C12orf50: variants seen among roughly 807,000 people sequenced by gnomAD.
C12orf50 encodes the protein uncharacterized protein C12orf50.
In C12orf50, 35 loss-of-function variants were observed where a neutral mutation model predicts 61.6. The observed-to-expected ratio is 0.57, with a 90% CI of 0.43 to 0.75. The LOEUF is 0.75. C12orf50 is among the 30% of genes least tolerant of loss of function. The pLI is 0.00. For missense variants in C12orf50, 475 were observed against 488.5 expected, an observed-to-expected ratio of 0.97 and a Z score of 0.26; for synonymous variants, 178 against 161.5, an observed-to-expected ratio of 1.10 and a Z score of -0.77.
At chr12:87,986,116 A>C in intron 10 of C12orf50, 63 bp from the exon 11 acceptor site, 1 of 1,517,636 alleles carries the variant, frequency 6.6e-7, no homozygotes, top group South Asian at 1.1e-5. Context: ...CATAAATAAC[A>C]TATTGCACTG....
chr12:88,015,681 C>T (rs1411182241), intron 3 of C12orf50, among the ~76,000 whole-genome samples: 5 of 152,232 alleles, frequency 3.3e-5, no homozygotes, highest in Admixed American at 2.6e-4. Context: ...GAACTGTACT[C>T]AGAAAATGTC....
chr12:87,982,299 G>T (rs1286314430), intron 12 of C12orf50, among the ~76,000 whole-genome samples: 1 of 152,094 alleles, frequency 6.6e-6, no homozygotes, highest in African/African-American at 2.4e-5. Context: ...CTGCAGCAGG[G>T]TTCTCTTGCA....
intron 3 of C12orf50, among the ~76,000 whole-genome samples, chr12:88,006,563 C>G (rs2031893011): frequency 6.6e-6 from 1 of 152,146 alleles, no homozygotes; most frequent in South Asian, 2.1e-4. Context: ...GTGTTTACAA[C>G]TTGTGCCTCC....
At chr12:87,996,779 T>G in intron 4 of C12orf50, 133 bp from the exon 5 acceptor site, 1 of 636,724 alleles carries the variant, frequency 1.6e-6, no homozygotes, top group South Asian at 2.1e-5. Flanking sequence ...AATCAATAAT[T>G]TTACATACTA....
chr12:87,997,020 T>C (rs982879107), intron 4 of C12orf50, among the ~76,000 whole-genome samples: 1 of 152,174 alleles, frequency 6.6e-6, no homozygotes, highest in African/African-American at 2.4e-5. Flanking sequence ...TGGTGTCCCG[T>C]AGTCCATAGA....
Position 88,026,981 on chromosome 12 carries a change from T to C in C12orf50, c.-19A>G, listed in dbSNP as rs1165037115. 4 of 1,613,922 alleles carry C rather than the reference T, an allele frequency of 2.5e-6. No homozygotes were observed. Among genetic ancestry groups the C allele is most frequent in the Admixed American group, 1.7e-5 (1 of 59,952 alleles). ...TTTCCATGTGTCTAAATCTGCAAAG[T>C]GGATCTAAACATTTCCTCTCTCTCC... On this transcript the variant is annotated 5_prime_UTR_variant, in exon 2 of 13. Transcript: ENST00000298699.
intron 6 of C12orf50, 150 bp downstream of exon 6, chr12:87,996,224 G>T: frequency 1.6e-6 from 1 of 629,696 alleles, no homozygotes; most frequent in Non-Finnish European, 2.8e-6. Context: ...TAGCAGCTTT[G>T]GGTCATCCAA....
At chr12:88,023,513 A>AG (rs1486351872) in intron 3 of C12orf50, among the ~76,000 whole-genome samples, 5 of 151,532 alleles carry the variant, frequency 3.3e-5, no homozygotes, top group African/African-American at 1.2e-4. Context: ...AAAAAAAAAA[A>AG]AAAATTTAGC....
rs139628674 is a variant in C12orf50 at position 87,989,276 on chromosome 12, A to G, written c.688T>C (p.Ser230Pro). Residue 230 changes from serine to proline, a missense_variant, in exon 8 of 13, where the codon TCA (serine) becomes CCA (proline). Physicochemically the swap from Ser to Pro is moderately conservative, Grantham distance 74. Transcript: ENST00000298699. ...TAATATTCATTACCTTTAGTATTTG[A>G]ACATTTTGATATGGTGATTTCTTTC... ...EEKEITISKC[S>P]NTKDNKDSPH... The G allele has an allele frequency of 4.2e-5, 67 of 1,603,120 alleles. No individual in the cohort carries two copies. Among genetic ancestry groups the G allele is most frequent in the Non-Finnish European group, 6.0e-6 (7 of 1,171,614 alleles).
intron 8 of C12orf50, 44 bp from the exon 9 acceptor site, chr12:87,988,010 T>A: frequency 7.7e-7 from 1 of 1,304,572 alleles, no homozygotes; most frequent in Non-Finnish European, 1.1e-6. Context: ...TATTAGTTTT[T>A]AAAAAAAGCA....
chr12:87,999,909 G>A (rs139765792), intron 3 of C12orf50, among the ~76,000 whole-genome samples: 2,799 of 151,882 alleles, frequency 0.018, 38 homozygotes, highest in Non-Finnish European at 0.027. Flanking sequence ...CATGCTAAGA[G>A]GAAAAAGTCA....
At chr12:87,995,609 G>T (rs370660242) in intron 6 of C12orf50, among the ~76,000 whole-genome samples, 1 of 152,254 alleles carries the variant, frequency 6.6e-6, no homozygotes, top group African/African-American at 2.4e-5. Context: ...TAAAGCAAAA[G>T]TACATATAAT....
At chr12:88,003,506 ATT>A (rs2031733424) in intron 3 of C12orf50, among the ~76,000 whole-genome samples, 1 of 151,894 alleles carries the variant, frequency 6.6e-6, no homozygotes, top group African/African-American at 2.4e-5. Context: ...CTGGCAACAA[ATT>A]CTCTCAGTTT....
At chr12:88,018,017 G>T (rs1458170517) in intron 3 of C12orf50, among the ~76,000 whole-genome samples, 1 of 152,188 alleles carries the variant, frequency 6.6e-6, no homozygotes, top group Admixed American at 6.5e-5. Context: ...TTTTCTGAGG[G>T]GAAATTCAAG....
At chr12:87,990,397 A>G (rs1373027708) in intron 7 of C12orf50, among the ~76,000 whole-genome samples, 1 of 152,208 alleles carries the variant, frequency 6.6e-6, no homozygotes, top group Non-Finnish European at 1.5e-5. Context: ...GATTGATTAT[A>G]CACAGTTCCT....
intron 3 of C12orf50, among the ~76,000 whole-genome samples, chr12:88,010,912 A>G (rs2032085140): frequency 6.6e-6 from 1 of 152,090 alleles, no homozygotes; most frequent in South Asian, 2.1e-4. Flanking sequence ...GACATGTATT[A>G]TTATATCTTC....
chr12:87,993,408 A>G (rs530275216), intron 7 of C12orf50, among the ~76,000 whole-genome samples: 13 of 152,242 alleles, frequency 8.5e-5, no homozygotes, highest in Non-Finnish European at 1.9e-4. Context: ...GAACTCCGTT[A>G]GGAGAGACTG....
At chr12:87,985,784 T>G in intron 11 of C12orf50, 66 bp downstream of exon 11, 1 of 1,530,964 alleles carries the variant, frequency 6.5e-7, no homozygotes. Flanking sequence ...TTAGCCAAGC[T>G]GTCAAGAAAT....
chr12:88,025,697 C>A (rs1237201540), intron 3 of C12orf50, among the ~76,000 whole-genome samples: 2 of 152,180 alleles, frequency 1.3e-5, no homozygotes, highest in East Asian at 3.8e-4. Context: ...TGAGAGCGCA[C>A]CACTGCACTC....
Sources: gnomAD v4.1 joint callset for allele counts (sites outside exome capture counted in the v4.1 genomes callset) on GRCh38, gnomAD v4.1.1 for gene constraint, MANE v1.5 for transcripts, NCBI Gene and HGNC (gene_info 2026-07-23, HGNC 2026-07-21) for gene names.